The following WWOX variants were observed in gnomAD, a reference collection of about 807,000 sequenced individuals.
WWOX encodes the protein WW domain-containing oxidoreductase.
WWOX carries 69 observed loss-of-function variants against 46.2 expected under a neutral mutation model. The ratio of observed to expected loss-of-function variants is 1.49; its 90% CI spans 1.23 to 1.82. The LOEUF (loss-of-function observed/expected upper bound fraction) is 1.82, where lower values mean the gene tolerates loss of function less well. WWOX is among the 40% of genes most tolerant of loss of function. The probability of loss-of-function intolerance (pLI) is 0.00; values close to 1 mark genes in which losing one functional copy is unlikely to be tolerated. For synonymous variants in WWOX, 359 were observed against 202.6 expected, an observed-to-expected ratio of 1.77 and a Z score of -6.56; for missense variants, 919 against 542.6, an observed-to-expected ratio of 1.69 and a Z score of -6.89.
At chr16:78,413,924 A>G (rs1231637335) in intron 6 of WWOX, among the ~76,000 whole-genome samples, 2 of 151,836 alleles carry the variant, frequency 1.3e-5, no homozygotes, top group African/African-American at 4.8e-5. Context: ...CTGAGCCGTC[A>G]TAACCCCTGT....
At chr16:78,254,853 T>C (rs1017151647) in intron 5 of WWOX, among the ~76,000 whole-genome samples, 1 of 152,130 alleles carries the variant, frequency 6.6e-6, no homozygotes, top group Non-Finnish European at 1.5e-5. Context: ...AGAGCCCTCT[T>C]GGGGCTCTGA....
intron 5 of WWOX, among the ~76,000 whole-genome samples, chr16:78,372,826 C>G (rs950908049): frequency 6.6e-6 from 1 of 152,126 alleles, no homozygotes; most frequent in East Asian, 1.9e-4. Context: ...TCTCAAGTTG[C>G]TTTATTTTTC....
At chr16:78,793,992 C>T (rs1186079685) in intron 8 of WWOX, among the ~76,000 whole-genome samples, 30 of 152,090 alleles carry the variant, frequency 2.0e-4, no homozygotes, top group Non-Finnish European at 4.4e-5. Context: ...TAGCAAAGTT[C>T]TTAGTAACAC....
chr16:78,863,832 T>C (rs1157433198), intron 8 of WWOX, among the ~76,000 whole-genome samples: 5 of 152,190 alleles, frequency 3.3e-5, no homozygotes, highest in South Asian at 2.1e-4. Flanking sequence ...TATGTCCACA[T>C]CCTATAAATG....
Position 79,027,914 on chromosome 16 carries a change from G to A in WWOX, c.1057-183694G>A, listed in dbSNP as rs1422617320. Among the ~76,000 whole-genome samples the A allele has an allele frequency of 3.3e-5, 5 of 151,634 alleles. 1 individual carries two copies. Among genetic ancestry groups the A allele is most frequent in the African/African-American group, 7.3e-5 (3 of 41,030 alleles). On this transcript the variant is annotated intron_variant, in intron 8 of 8. Transcript: ENST00000566780. ...ATGTCTCAGTGTTTGAGTAGAATTA[G>A]GGAGTTTGCTTTATTTTCCTTTGTT...
intron 8 of WWOX, among the ~76,000 whole-genome samples, chr16:79,153,349 C>T (rs979004828): frequency 6.6e-6 from 1 of 152,132 alleles, no homozygotes; most frequent in African/African-American, 2.4e-5. Context: ...GCCGCCCTTT[C>T]AGTGCGAAGG....
At chr16:79,040,055 C>T (rs2047941019) in intron 8 of WWOX, among the ~76,000 whole-genome samples, 1 of 152,166 alleles carries the variant, frequency 6.6e-6, no homozygotes, top group Non-Finnish European at 1.5e-5. Context: ...TGCTGTGCCT[C>T]AGTGTTTCCA....
At chr16:78,843,411 A>G (rs936477373) in intron 8 of WWOX, among the ~76,000 whole-genome samples, 7 of 150,040 alleles carry the variant, frequency 4.7e-5, no homozygotes, top group African/African-American at 9.7e-5. Context: ...CCAATCGCCC[A>G]TTCCTATGCT....
At chr16:79,116,774 A>G (rs2049524722) in intron 8 of WWOX, among the ~76,000 whole-genome samples, 1 of 151,870 alleles carries the variant, frequency 6.6e-6, no homozygotes, top group African/African-American at 2.4e-5. Context: ...ATGAATCACG[A>G]ATGTTCTTAA....
chr16:78,783,143 C>T (rs752883360), intron 8 of WWOX, among the ~76,000 whole-genome samples: 1 of 152,216 alleles, frequency 6.6e-6, no homozygotes, highest in African/African-American at 2.4e-5. Context: ...AAAACAAAAG[C>T]ACATCTCCAT....
chr16:78,367,972 G>T (rs978051220), intron 5 of WWOX, among the ~76,000 whole-genome samples: 15 of 152,038 alleles, frequency 9.9e-5, no homozygotes, highest in African/African-American at 3.6e-4. Context: ...GGTCAGGCTG[G>T]TGTCAAACTC....
chr16:78,293,082 C>T (rs144829986), intron 5 of WWOX, among the ~76,000 whole-genome samples: 238 of 152,284 alleles, frequency 1.6e-3, no homozygotes, highest in South Asian at 3.7e-3. Flanking sequence ...GCCTTTCTTT[C>T]GCCTCTCTAC....
chr16:79,029,501 G>T (rs774321376), intron 8 of WWOX, among the ~76,000 whole-genome samples: 1 of 152,136 alleles, frequency 6.6e-6, no homozygotes, highest in Non-Finnish European at 1.5e-5. Flanking sequence ...TTAGGATCTT[G>T]GGGCAGTGAG....
At chr16:78,874,371 G>T (rs2151206406) in intron 8 of WWOX, among the ~76,000 whole-genome samples, 1 of 152,194 alleles carries the variant, frequency 6.6e-6, no homozygotes, top group Non-Finnish European at 1.5e-5. Context: ...GAGAGGCTAG[G>T]AGCGGAGGGA....
intron 8 of WWOX, among the ~76,000 whole-genome samples, chr16:78,670,023 T>C (rs1242019275): frequency 6.6e-6 from 1 of 152,176 alleles, no homozygotes; most frequent in African/African-American, 2.4e-5. Flanking sequence ...GTTTTTCTTT[T>C]TCCTCCAGAG....
chr16:79,070,428 C>G (rs181364299), intron 8 of WWOX, among the ~76,000 whole-genome samples: 74 of 152,276 alleles, frequency 4.9e-4, no homozygotes, highest in Middle Eastern at 3.4e-3. Flanking sequence ...ACGTATCAGT[C>G]CAGATGCCCT....
At chr16:78,438,034 A>G (rs1392369799) in intron 8 of WWOX, among the ~76,000 whole-genome samples, 1 of 152,022 alleles carries the variant, frequency 6.6e-6, no homozygotes, top group Non-Finnish European at 1.5e-5. Flanking sequence ...CACATAAGGG[A>G]TTTTCAAGGC....
In WWOX at chr16:78,590,146, G is replaced by GTC. The variant is rs58692243; in HGVS notation, c.1056+157410_1056+157411dup. Among the ~76,000 whole-genome samples, 897 of 149,722 alleles carry GTC rather than the reference G, an allele frequency of 6.0e-3. 13 individuals carry two copies. Among genetic ancestry groups the GTC allele is most frequent in the African/African-American group, 0.02 (804 of 40,588 alleles). ...ATGTCTGATAGATATTAGGCATTCA[G>GTC]TCTCTCTCTCTCTCTCTGTTTATTA... is the stretch of plus-strand genomic sequence containing the variant. On this transcript the variant is annotated intron_variant, in intron 8 of 8. Coordinates refer to ENST00000566780, the MANE Select transcript of WWOX (RefSeq NM_016373.4).
chr16:79,077,331 A>G (rs184183240), intron 8 of WWOX: 1 of 152,192 alleles, frequency 6.6e-6, no homozygotes, highest in Admixed American at 6.5e-5. Flanking sequence ...GGAACAGGGC[A>G]TGGAAAGCAA....
Sources: allele counts gnomAD v4.1 joint callset (sites outside exome capture counted in the v4.1 genomes callset), GRCh38; gene constraint gnomAD v4.1.1; transcripts MANE v1.5; gene names NCBI Gene and HGNC (gene_info 2026-07-23, HGNC 2026-07-21).